Variants in PHKG1 observed in about 807,000 individuals in gnomAD.
PHKG1 encodes phosphorylase kinase catalytic subunit gamma 1, also known as phosphorylase b kinase gamma catalytic chain, skeletal muscle/heart isoform.
A neutral mutation model predicts 50.5 loss-of-function variants in PHKG1; 48 were observed. That is an observed-to-expected ratio of 0.95 (90% confidence interval 0.75 to 1.21). PHKG1 has a LOEUF of 1.21. Among genes scored for constraint, PHKG1 ranks in the 50% most tolerant of loss-of-function variants. The pLI, the probability that PHKG1 is intolerant of heterozygous loss-of-function variation, is 0.00. For missense variants in PHKG1, 487 were observed against 519.5 expected (o/e 0.94, Z 0.61); for synonymous variants, 204 against 212.8 (o/e 0.96, Z 0.36).
In PHKG1 at chr7:56,081,774, G is replaced by A; in HGVS notation, c.793-19C>T. ...GGGAGACCTGTGAGAGGAGGAGAGG[G>A]GAACCGAGAATGTCAAGGCAGGTCC... On this transcript the variant is annotated intron_variant, in intron 8 of 9. Transcript: ENST00000297373. The surrounding 1 kb of genome is among the most constrained non-coding windows in gnomAD (Gnocchi z 4.6). 6.2e-7 allele frequency: 1 copy of A among 1,610,386 alleles called. No individual in the cohort carries two copies. The highest frequency in any genetic ancestry group is 8.5e-7 in the Non-Finnish European group (1 of 1,177,624).
intron 3 of PHKG1, 126 bp downstream of exon 3, chr7:56,087,472 G>A (rs1796305479): frequency 2.4e-6 from 2 of 826,470 alleles, no homozygotes; most frequent in African/African-American, 1.7e-5. Flanking sequence ...AGTGAGGGTG[G>A]AGCTGGGAGC....
chr7:56,087,773 GC>G lies in PHKG1; in HGVS notation c.86del (p.Gly29AlafsTer20). 2 of 1,610,070 alleles carry G rather than the reference GC, an allele frequency of 1.2e-6. No homozygotes were observed. The highest frequency in any genetic ancestry group is 1.3e-5 in the African/African-American group (1 of 75,022). On this transcript the variant is annotated frameshift_variant and splice_region_variant, in exon 3 of 10. Transcript: ENST00000297373. LOFTEE classifies it high-confidence loss of function. ...NYEPKEILGR[G>X]VSSVVRRCIH... is the part of the protein sequence containing the mutation. Reference sequence around the variant, plus strand: ...TGCATCGCCTGACCACACTGCTAACGCCCCTGGGAGTGCAGAGGACAGATGG... The same window carrying G: ...TGCATCGCCTGACCACACTGCTAACGCCCTGGGAGTGCAGAGGACAGATGG...
intron 4 of PHKG1, among the ~76,000 whole-genome samples, chr7:56,084,652 C>T (rs1796176721): frequency 1.3e-5 from 2 of 151,610 alleles, no homozygotes; most frequent in African/African-American, 2.4e-5. Context: ...GGATTACAGG[C>T]GTGAGCCACC....
At position 56,081,100 on chromosome 7, in the gene PHKG1, T is replaced by C; in HGVS notation, c.1118A>G (p.Asn373Ser). The C allele has an allele frequency of 6.2e-7, 1 of 1,613,294 alleles. No individual in the cohort carries two copies. Among genetic ancestry groups the C allele is most frequent in the Middle Eastern group, 1.8e-4 (1 of 5,654 alleles). Reference protein sequence around the residue: ...QQQNRAALFENTPKAVLLSLA... With the variant: ...QQQNRAALFESTPKAVLLSLA... ...GGAGAGGAGCACGGCCTTGGGTGTG[T>C]TCTCGAAAAGGGCTGCCCGGTTCTG... Residue 373 changes from asparagine to serine, a missense_variant, in exon 10 of 10, where the codon AAC (asparagine) becomes AGC (serine). By Grantham distance (46) the Asn-to-Ser change is conservative. Transcript: ENST00000297373. The surrounding 1 kb of genome is among the most constrained non-coding windows in gnomAD (Gnocchi z 4.6).
chr7:56,084,296 G>T, intron 4 of PHKG1: 1 of 1,099,730 alleles, frequency 9.1e-7, no homozygotes, highest in African/African-American at 1.6e-5. Flanking sequence ...AATGATGGCT[G>T]GAGGCTGAAA....
intron 4 of PHKG1, among the ~76,000 whole-genome samples, chr7:56,086,063 C>G (rs550206882): frequency 6.6e-6 from 1 of 151,726 alleles, no homozygotes; most frequent in East Asian, 2.0e-4. Flanking sequence ...GCCTGCAGGA[C>G]CTGGTCTTTG....
intron 1 of PHKG1, among the ~76,000 whole-genome samples, chr7:56,089,229 C>A (rs770476636): frequency 3.8e-4 from 58 of 152,088 alleles, no homozygotes; most frequent in Non-Finnish European, 7.4e-4. Flanking sequence ...CATGGTGAAA[C>A]CTCATCTCTA....
intron 4 of PHKG1, chr7:56,084,257 C>T: frequency 6.9e-7 from 1 of 1,454,550 alleles, no homozygotes; most frequent in Non-Finnish European, 9.3e-7. Flanking sequence ...GTGGAAGTGA[C>T]AGTGTGGACT....
rs113579109 is a variant in PHKG1 at position 56,083,329 on chromosome 7, G to C, written c.496C>G (p.Leu166Val). Residue 166 changes from leucine to valine, a missense_variant, in exon 6 of 10, where the codon CTC (leucine) becomes GTC (valine). Transcript: ENST00000297373. The part of the protein sequence containing the change: ...ILLDDNMNIK[L>V]TDFGFSCQLE... ...TGGCAGGAAAAGCCAAAGTCTGTGA[G>C]CTTGATGTTCATGTTGTCATCCAAG... The C allele has an allele frequency of 6.2e-7, 1 of 1,614,130 alleles. No homozygotes were observed. The highest frequency in any genetic ancestry group is 2.2e-5 in the East Asian group (1 of 44,876).
At chr7:56,086,671 C>T (rs1278698861) in intron 4 of PHKG1, among the ~76,000 whole-genome samples, 1 of 151,734 alleles carries the variant, frequency 6.6e-6, no homozygotes, top group Admixed American at 6.6e-5. Context: ...AGCCACTGCG[C>T]CCGCCTGTAG....
intron 4 of PHKG1, among the ~76,000 whole-genome samples, chr7:56,084,748 A>G (rs968530168): frequency 6.6e-6 from 1 of 152,204 alleles, no homozygotes; most frequent in Non-Finnish European, 1.5e-5. Flanking sequence ...AAGTTTGCCA[A>G]TTACAGGATT....
In PHKG1 at chr7:56,081,202, G is replaced by T; in HGVS notation, c.1016C>A (p.Ala339Asp). ...TREIVIRDPY[A>D]LRPLRRLIDA... ...GATGAGCCGGCGCAGAGGCCGGAGG[G>T]CATAGGGGTCTCGGATGACGATCTC... is the stretch of plus-strand genomic sequence containing the variant. Residue 339 changes from alanine to aspartate, a missense_variant, in exon 10 of 10, where the codon GCC (alanine) becomes GAC (aspartate). Physicochemically the swap from Ala to Asp is moderately radical, Grantham distance 126 (BLOSUM62 -2). Transcript: ENST00000297373. The surrounding 1 kb of genome is among the most constrained non-coding windows in gnomAD (Gnocchi z 4.6). The T allele has an allele frequency of 1.2e-6, 2 of 1,613,936 alleles. No individual in the cohort carries two copies. The highest frequency in any genetic ancestry group is 1.7e-5 in the Admixed American group (1 of 60,028).
intron 3 of PHKG1, 24 bp downstream of exon 3, chr7:56,087,574 G>T (rs770775673): frequency 1.6e-5 from 26 of 1,601,382 alleles, no homozygotes; most frequent in Non-Finnish European, 2.1e-5. Context: ...GCACCCTGCC[G>T]TGTGGCTTGG....
At chr7:56,086,867 A>G in intron 4 of PHKG1, 103 bp downstream of exon 4, 1 of 873,000 alleles carries the variant, frequency 1.1e-6, no homozygotes, top group Middle Eastern at 2.2e-4. Flanking sequence ...TGGCATCCTC[A>G]GCGCAGGAGC....
intron 1 of PHKG1, among the ~76,000 whole-genome samples, chr7:56,089,511 C>G (rs567542113): frequency 6.6e-6 from 1 of 151,898 alleles, no homozygotes; most frequent in Non-Finnish European, 1.5e-5. Flanking sequence ...TGGGCTCAAG[C>G]GATCCTCACA....
intron 4 of PHKG1, among the ~76,000 whole-genome samples, chr7:56,086,173 C>A (rs1037347967): frequency 6.6e-6 from 1 of 151,674 alleles, no homozygotes; most frequent in Non-Finnish European, 1.5e-5. Flanking sequence ...CTCTTGCTAA[C>A]CCCTTGTTCT....
chr7:56,091,249 G>A (rs149010462), intron 1 of PHKG1, among the ~76,000 whole-genome samples: 2,321 of 151,962 alleles, frequency 0.015, 22 homozygotes, highest in Middle Eastern at 0.027. Context: ...GGGCGCAGTG[G>A]CTCATGCCTG....
rs1241351985 is a variant in PHKG1, at chr7:56,080,430, ATTT to A, written c.*621_*623del. ...AAGTGTGCACCACCATGCCTGGCTA[ATTT>A]TTTGAATTTTTGTAGTGATGGGATC... On this transcript the variant is annotated 3_prime_UTR_variant, in exon 10 of 10. Transcript: ENST00000297373. 1 of 157,540 alleles carries A rather than the reference ATTT, an allele frequency of 6.3e-6. No individual in the cohort carries two copies. The highest frequency in any genetic ancestry group is 1.9e-4 in the East Asian group (1 of 5,248). 9.8% of individuals were successfully genotyped at this position (157,540 alleles called of 1,614,324 possible). A position where few individuals can be genotyped will look rare whatever the true frequency, so the allele number is the denominator to read the frequency against.
intron 1 of PHKG1, among the ~76,000 whole-genome samples, chr7:56,091,378 G>T (rs1219854939): frequency 6.6e-6 from 1 of 151,874 alleles, no homozygotes; most frequent in Non-Finnish European, 1.5e-5. Context: ...TTAGCCGGGC[G>T]TGGTGGCAGG....
Sources: gnomAD v4.1 joint callset for allele counts (sites outside exome capture counted in the v4.1 genomes callset) on GRCh38, gnomAD v4.1.1 for gene constraint, Gnocchi (gnomAD v3.1) non-coding constraint, MANE v1.5 for transcripts, NCBI Gene and HGNC (gene_info 2026-07-23, HGNC 2026-07-21) for gene names.